The following KCNH8 variants were observed in gnomAD, a reference collection of about 807,000 sequenced individuals.
KCNH8 encodes potassium voltage-gated channel subfamily H member 8, also known as voltage-gated delayed rectifier potassium channel KCNH8.
A neutral mutation model predicts 103.6 loss-of-function variants in KCNH8; 70 were observed. That is an observed-to-expected ratio of 0.68 (90% CI 0.56 to 0.82). The LOEUF is 0.82. KCNH8 is among the 40% of genes least tolerant of loss of function. KCNH8 has a pLI of 0.00. For missense variants in KCNH8, 1,217 were observed against 1,329.9 expected (o/e 0.92, Z 1.32); for synonymous variants, 498 against 489.4 (o/e 1.02, Z -0.23).
chr3:19,517,917 C>T, intron 14 of KCNH8, 81 bp from the exon 15 acceptor site: 1 of 1,144,998 alleles, frequency 8.7e-7, no homozygotes, highest in Non-Finnish European at 1.3e-6. Flanking sequence ...CGTGGACTTT[C>T]TTTCATATTC....
chr3:19,427,427 G>A (rs1366907439), intron 7 of KCNH8, among the ~76,000 whole-genome samples: 2 of 152,118 alleles, frequency 1.3e-5, no homozygotes, highest in Non-Finnish European at 2.9e-5. Flanking sequence ...CCAATGAATG[G>A]TATGGTTAAA....
At chr3:19,464,049 G>T (rs1370442957) in intron 11 of KCNH8, among the ~76,000 whole-genome samples, 1 of 151,994 alleles carries the variant, frequency 6.6e-6, no homozygotes, top group Non-Finnish European at 1.5e-5. Flanking sequence ...AATACCAGAG[G>T]ACTTTCTGTA....
intron 11 of KCNH8, among the ~76,000 whole-genome samples, chr3:19,475,475 G>A (rs56270216): frequency 3.9e-5 from 6 of 152,084 alleles, no homozygotes; most frequent in Non-Finnish European, 8.8e-5. Context: ...TGTCCAAATA[G>A]TACAATTTCA....
intron 15 of KCNH8, among the ~76,000 whole-genome samples, chr3:19,518,915 G>A (rs993148105): frequency 2.6e-5 from 4 of 151,970 alleles, no homozygotes; most frequent in Non-Finnish European, 5.9e-5. Context: ...GACTATATGG[G>A]TGCAAAAGTT....
In KCNH8 at chr3:19,408,433, A is replaced by G. The variant is rs144646666; in HGVS notation, c.1177+13122A>G. Among the ~76,000 whole-genome samples, 61 of 152,272 alleles carry G rather than the reference A, an allele frequency of 4.0e-4. 1 individual carries two copies. The highest frequency in any genetic ancestry group is 1.3e-3 in the African/African-American group (56 of 41,552). ...TCTCCAGATGAGAAGGAACCAAAAC[A>G]AGAATGCTGGCATCATGAAAAATCT... On this transcript the variant is annotated intron_variant, in intron 7 of 15. Transcript: ENST00000328405.
At chr3:19,473,240 A>G (rs1234347976) in intron 11 of KCNH8, among the ~76,000 whole-genome samples, 1 of 152,224 alleles carries the variant, frequency 6.6e-6, no homozygotes, top group Non-Finnish European at 1.5e-5. Flanking sequence ...GCTATACTGA[A>G]TTTCTGGAAT....
intron 1 of KCNH8, among the ~76,000 whole-genome samples, chr3:19,169,307 G>T (rs1337595536): frequency 7.1e-6 from 1 of 141,590 alleles, no homozygotes; most frequent in African/African-American, 2.7e-5. Context: ...CGCCCAGGCT[G>T]GAGTGCAGTG....
Position 19,179,438 on chromosome 3 carries a change from T to C in KCNH8, c.76+30643T>C, listed in dbSNP as rs140180158. 4.9e-3 allele frequency among the ~76,000 whole-genome samples: 739 copies of C among 152,282 alleles called. 4 individuals carry two copies. The highest frequency in any genetic ancestry group is 0.017 in the African/African-American group (702 of 41,574). ...TTGTTGTAGTTATTTCTCTCCAAGA[T>C]GAATGTTAACAGGGACAATTAAAAT... On this transcript the variant is annotated intron_variant, in intron 1 of 15. Transcript: ENST00000328405.
chr3:19,469,886 T>C (rs528066151), intron 11 of KCNH8, among the ~76,000 whole-genome samples: 1 of 152,230 alleles, frequency 6.6e-6, no homozygotes, highest in South Asian at 2.1e-4. Flanking sequence ...TTATCCACCT[T>C]CTTCCCATCT....
chr3:19,164,541 G>GT (rs2063263778), intron 1 of KCNH8, among the ~76,000 whole-genome samples: 1 of 152,290 alleles, frequency 6.6e-6, no homozygotes, highest in South Asian at 2.1e-4. Flanking sequence ...CACACATTTT[G>GT]TAAGTAGTGA....
chr3:19,249,713 A>G (rs966573140), intron 1 of KCNH8, among the ~76,000 whole-genome samples: 11 of 152,170 alleles, frequency 7.2e-5, no homozygotes, highest in Admixed American at 4.6e-4. Flanking sequence ...TGTCCTAAAT[A>G]TTTAAAAATA....
At chr3:19,493,255 T>C (rs1341589046) in intron 11 of KCNH8, among the ~76,000 whole-genome samples, 2 of 152,120 alleles carry the variant, frequency 1.3e-5, no homozygotes, top group African/African-American at 4.8e-5. Context: ...TTCAGTACTA[T>C]GTTGAACAGG....
At chr3:19,296,741 A>G (rs2065000654) in intron 3 of KCNH8, among the ~76,000 whole-genome samples, 1 of 152,194 alleles carries the variant, frequency 6.6e-6, no homozygotes, top group African/African-American at 2.4e-5. Flanking sequence ...AATTGGGTTC[A>G]GTGTATACCG....
intron 5 of KCNH8, among the ~76,000 whole-genome samples, chr3:19,384,383 T>C (rs1297659918): frequency 6.6e-6 from 1 of 152,198 alleles, no homozygotes; most frequent in East Asian, 1.9e-4. Context: ...ATAGCAGTAT[T>C]TTGTGATACT....
At chr3:19,181,858 T>A (rs1001366037) in intron 1 of KCNH8, among the ~76,000 whole-genome samples, 9 of 152,300 alleles carry the variant, frequency 5.9e-5, no homozygotes, top group African/African-American at 2.2e-4. Context: ...GAAATCTTGT[T>A]ACAAAACTGG....
chr3:19,164,327 A>G (rs2063261985), intron 1 of KCNH8, among the ~76,000 whole-genome samples: 3 of 152,204 alleles, frequency 2.0e-5, no homozygotes, highest in African/African-American at 7.2e-5. Context: ...CTCTTCCTTC[A>G]AATTTACTGT....
intron 3 of KCNH8, among the ~76,000 whole-genome samples, chr3:19,325,071 A>G (rs1222333152): frequency 2.6e-5 from 4 of 152,180 alleles, no homozygotes; most frequent in African/African-American, 9.7e-5. Flanking sequence ...GTGATCTTCA[A>G]CAAACCTGAC....
intron 10 of KCNH8, among the ~76,000 whole-genome samples, chr3:19,453,386 G>T (rs1005633593): frequency 1.3e-5 from 2 of 152,022 alleles, no homozygotes; most frequent in African/African-American, 4.8e-5. Flanking sequence ...TATAATCATT[G>T]TAGGCCTTCT....
At chr3:19,172,061 C>T (rs1443046361) in intron 1 of KCNH8, among the ~76,000 whole-genome samples, 2 of 151,724 alleles carry the variant, frequency 1.3e-5, no homozygotes, top group African/African-American at 2.4e-5. Flanking sequence ...TGGATTTTCT[C>T]GGCAAAAATG....
Sources: allele counts gnomAD v4.1 joint callset (sites outside exome capture counted in the v4.1 genomes callset), GRCh38; gene constraint gnomAD v4.1.1; transcripts MANE v1.5; gene names NCBI Gene and HGNC (gene_info 2026-07-23, HGNC 2026-07-21).